The following POMZP3 variants were observed in gnomAD, a reference collection of about 807,000 sequenced individuals.
The protein encoded by POMZP3 is POM121 and ZP3 fusion, also known as POM121 and ZP3 fusion protein.
Under a neutral mutation model 19.8 loss-of-function variants are expected in POMZP3, and 10 were observed. The observed-to-expected ratio is 0.51, with a 90% CI of 0.31 to 0.86. POMZP3 has a LOEUF of 0.86. POMZP3 is among the 40% of genes least tolerant of loss of function. POMZP3 has a pLI of 0.04. For missense variants in POMZP3, 152 were observed against 228.1 expected, an observed-to-expected ratio of 0.67 and a Z score of 2.15; for synonymous variants, 57 against 85.8, an observed-to-expected ratio of 0.66 and a Z score of 1.85.
intron 4 of POMZP3, among the ~76,000 whole-genome samples, chr7:76,616,189 CAGG>C (rs1386572861): frequency 8.4e-5 from 12 of 142,402 alleles, no homozygotes; most frequent in Non-Finnish European, 1.7e-4. Flanking sequence ...GAGGCTGAGG[CAGG>C]AGAATTGCTT....
chr7:76,615,959 G>T (rs1276344620), intron 4 of POMZP3, among the ~76,000 whole-genome samples: 1 of 44,294 alleles, frequency 2.3e-5, no homozygotes, highest in Admixed American at 2.8e-4. Context: ...CAGCCTGGGT[G>T]ACAGAGACCC....
chr7:76,614,830 A>C (rs1158028667), intron 4 of POMZP3, among the ~76,000 whole-genome samples: 1 of 81,266 alleles, frequency 1.2e-5, no homozygotes, highest in Non-Finnish European at 2.4e-5. Context: ...ATTGCATTCC[A>C]GCCTGGGTGA....
Position 76,627,108 on chromosome 7 carries a change from C to G in POMZP3, c.-552G>C. The G allele has an allele frequency of 8.0e-6, 11 of 1,369,376 alleles. No individual in the cohort carries two copies. The highest frequency in any genetic ancestry group is 9.6e-6 in the Non-Finnish European group (10 of 1,039,626). The allele number at this position is 1,369,376 out of a possible 1,614,324, so 84.8% of individuals were successfully genotyped here. A position where few individuals can be genotyped will look rare whatever the true frequency, so the allele number is the denominator to read the frequency against. On this transcript the variant is annotated 5_prime_UTR_variant, in exon 1 of 7. Coordinates refer to ENST00000310842, the MANE Select transcript of POMZP3 (RefSeq NM_012230.5). ...AGGCCGCGGTAGTCCCCACGGCCAG[C>G]CAGGCCAGCGCAGCCGCAGCAGGCA...
At chr7:76,613,333 G>T (rs571078558) in intron 4 of POMZP3, among the ~76,000 whole-genome samples, 1 of 89,714 alleles carries the variant, frequency 1.1e-5, no homozygotes, top group African/African-American at 4.3e-5. Context: ...GGGATATGAC[G>T]ACCAGAAGAC....
chr7:76,615,332 G>A (rs1190325221), intron 4 of POMZP3, among the ~76,000 whole-genome samples: 2 of 93,838 alleles, frequency 2.1e-5, no homozygotes, highest in African/African-American at 4.9e-5. Context: ...TCACTGATCC[G>A]AGGGCCAGGA....
At chr7:76,623,444 TTTCA>T (rs1815684643) in intron 3 of POMZP3, among the ~76,000 whole-genome samples, 1 of 147,604 alleles carries the variant, frequency 6.8e-6, no homozygotes, top group Non-Finnish European at 1.5e-5. Context: ...GTGGGGATAG[TTTCA>T]TTCTCATTGT....
In POMZP3 at chr7:76,624,780, T is replaced by C. The variant is rs958212045; in HGVS notation, c.227+742A>G. 2.8e-4 allele frequency among the ~76,000 whole-genome samples: 43 copies of C among 151,802 alleles called. No individual in the cohort carries two copies. The South Asian group carries it at 4.2e-3, about 15-fold the overall frequency. Reference sequence around the variant, plus strand: ...GTTTTAATCTCATTACTGATAAAACTACCAAACTCTAGTTTTCATTTTTCT... The same window carrying C: ...GTTTTAATCTCATTACTGATAAAACCACCAAACTCTAGTTTTCATTTTTCT... On this transcript the variant is annotated intron_variant, in intron 3 of 6. Coordinates refer to ENST00000310842, the MANE Select transcript of POMZP3 (RefSeq NM_012230.5).
At chr7:76,625,112 G>T (rs1483603573) in intron 3 of POMZP3, among the ~76,000 whole-genome samples, 1 of 124,522 alleles carries the variant, frequency 8.0e-6, no homozygotes, top group Non-Finnish European at 1.7e-5. Flanking sequence ...CAGCCTGGGG[G>T]ACAGAGACAG....
Position 76,610,188 on chromosome 7 carries a change from C to A in POMZP3, c.*39G>T. 4 of 1,612,356 alleles carry A rather than the reference C, an allele frequency of 2.5e-6. No homozygotes were observed. The highest frequency in any genetic ancestry group is 3.4e-6 in the Non-Finnish European group (4 of 1,179,416). On this transcript the variant is annotated 3_prime_UTR_variant, in exon 7 of 7. Coordinates refer to ENST00000310842, the MANE Select transcript of POMZP3 (RefSeq NM_012230.5). ...CCTCCTGTCCAGGAAGATCAGTGGCCCCACGGTGACATCTGCTTCTTCTGT... is the reference window on the plus strand; with the variant it reads ...CCTCCTGTCCAGGAAGATCAGTGGCACCACGGTGACATCTGCTTCTTCTGT...
rs1815822789 is a variant in POMZP3 at position 76,625,435 on chromosome 7, G to A, written c.227+87C>T. ...TATGAAGGCTCACAAACTGGAGGTG[G>A]CCTCTGTATCTTTACGGGAATGTCT... On this transcript the variant is annotated intron_variant, in intron 3 of 6. Coordinates refer to ENST00000310842, the MANE Select transcript of POMZP3 (RefSeq NM_012230.5). 12 of 1,591,350 alleles carry A rather than the reference G, an allele frequency of 7.5e-6. No homozygotes were observed. The South Asian group carries it at 7.8e-5, about 10-fold the overall frequency.
Position 76,626,835 on chromosome 7 carries a change from C to A in POMZP3, c.-279G>T, listed in dbSNP as rs1815932961. 15 of 1,396,186 alleles carry A rather than the reference C, an allele frequency of 1.1e-5. 1 individual carries two copies. Among genetic ancestry groups the A allele is most frequent in the Non-Finnish European group, 1.4e-5 (15 of 1,084,002 alleles). The allele number at this position is 1,396,186 out of a possible 1,614,324, so 86.5% of individuals were successfully genotyped here. On this transcript the variant is annotated 5_prime_UTR_variant, in exon 1 of 7. Coordinates refer to ENST00000310842, the MANE Select transcript of POMZP3 (RefSeq NM_012230.5). ...GCCGGGCGGGCGGGCGGCGGCCAGG[C>A]CTATTCCGCAGGTCCTGGCCCTCCG...
intron 4 of POMZP3, among the ~76,000 whole-genome samples, chr7:76,613,485 C>G (rs974874839): frequency 8.5e-6 from 1 of 117,772 alleles, no homozygotes; most frequent in African/African-American, 2.9e-5. Context: ...GTCAACTACC[C>G]TGTAAGCACT....
At chr7:76,610,312 TTG>T (rs1403760173) in intron 6 of POMZP3, 97 bp from the exon 7 acceptor site, 1 of 1,148,324 alleles carries the variant, frequency 8.7e-7, no homozygotes, top group Non-Finnish European at 1.3e-6. Flanking sequence ...AACTAATATG[TTG>T]TCTTTTTTGT....
In POMZP3 at chr7:76,626,166, A is replaced by T. The variant is rs867293295; in HGVS notation, c.-102T>A. On this transcript the variant is annotated 5_prime_UTR_variant, in exon 2 of 7. Transcript: ENST00000310842. ...GAATACTGGGCCTGATGGATCGGAT[A>T]GCGTCTTCGAGGTGTTATTACAAAC... The T allele has an allele frequency of 6.3e-6, 10 of 1,594,976 alleles. No individual in the cohort carries two copies. The African/African-American group carries it at 1.2e-4, about 19-fold the overall frequency.
chr7:76,611,430 C>T (rs752839795), intron 6 of POMZP3, 24 bp downstream of exon 6: 2 of 1,534,610 alleles, frequency 1.3e-6, no homozygotes, highest in South Asian at 1.2e-5. Context: ...CAATGAACAG[C>T]CTCTTGGCCA....
intron 3 of POMZP3, among the ~76,000 whole-genome samples, chr7:76,621,617 G>A (rs199760119): frequency 7.9e-5 from 12 of 151,488 alleles, no homozygotes; most frequent in African/African-American, 1.5e-4. Flanking sequence ...GGCACAAGAT[G>A]CAGGTCATAA....
In POMZP3 at chr7:76,616,897, C is replaced by T. The variant is rs1815309897; in HGVS notation, c.345+1286G>A. Among the ~76,000 whole-genome samples the T allele has an allele frequency of 2.1e-5, 2 of 94,926 alleles. 1 individual carries two copies. The highest frequency in any genetic ancestry group is 4.6e-5 in the Non-Finnish European group (2 of 43,590). 62.3% of individuals were successfully genotyped at this position (94,926 alleles called of 152,430 possible). ...TTGAGGCTGGGCATGGTGGCTCACGCCTGTAATTCCAGCACTTTGGGAGAC... is the reference window on the plus strand; with the variant it reads ...TTGAGGCTGGGCATGGTGGCTCACGTCTGTAATTCCAGCACTTTGGGAGAC... On this transcript the variant is annotated intron_variant, in intron 4 of 6. Coordinates refer to ENST00000310842, the MANE Select transcript of POMZP3 (RefSeq NM_012230.5).
rs369653274 is a variant in POMZP3, at chr7:76,610,192, C to T, written c.*35G>A. The T allele has an allele frequency of 2.1e-4, 345 of 1,609,788 alleles. 1 individual carries two copies. The highest frequency in any genetic ancestry group is 6.4e-4 in the Admixed American group (38 of 59,786). ...CTGTCCAGGAAGATCAGTGGCCCCA[C>T]GGTGACATCTGCTTCTTCTGTCACT... On this transcript the variant is annotated 3_prime_UTR_variant, in exon 7 of 7. Coordinates refer to ENST00000310842, the MANE Select transcript of POMZP3 (RefSeq NM_012230.5).
chr7:76,625,325 G>A (rs1483568072), intron 3 of POMZP3, among the ~76,000 whole-genome samples, 197 bp downstream of exon 3: 1 of 151,360 alleles, frequency 6.6e-6, no homozygotes, highest in Non-Finnish European at 1.5e-5. Flanking sequence ...GGTAAATTAT[G>A]ACATCGATCT....
Sources: gnomAD v4.1 joint callset for allele counts (sites outside exome capture counted in the v4.1 genomes callset) on GRCh38, gnomAD v4.1.1 for gene constraint, MANE v1.5 for transcripts, NCBI Gene and HGNC (gene_info 2026-07-23, HGNC 2026-07-21) for gene names.